CNST: variants seen among roughly 807,000 people sequenced by gnomAD.
CNST encodes the protein consortin, connexin sorting protein, also known as consortin.
CNST carries 39 observed loss-of-function variants against 72.4 expected under a neutral mutation model. That is an observed-to-expected ratio of 0.54 (90% CI 0.42 to 0.70). CNST has a LOEUF of 0.70. CNST is among the 30% of genes least tolerant of loss of function. The pLI is 0.00. For missense variants in CNST, 871 were observed against 868.5 expected, an observed-to-expected ratio of 1.00 and a Z score of -0.04; for synonymous variants, 332 against 320.1, an observed-to-expected ratio of 1.04 and a Z score of -0.40.
In CNST at chr1:246,621,632, C is replaced by G; in HGVS notation, c.583C>G (p.Gln195Glu). The G allele has an allele frequency of 6.2e-7, 1 of 1,612,034 alleles. No individual in the cohort carries two copies. The highest frequency in any genetic ancestry group is 8.5e-7 in the Non-Finnish European group (1 of 1,178,136). ...DSRALPLCLH[Q>E]IAESYFQEED... ...AAGAGCACTTCCCCTTTGCCTTCAT[C>G]AGGTACTCTGGTAAACCCTTCACTT... Residue 195 changes from glutamine (Q) to glutamate (E), a missense_variant and splice_region_variant, in exon 3 of 11, where the codon CAG (glutamine) becomes GAG (glutamate). Transcript: ENST00000366513.
chr1:246,639,516 G>A (rs1665539113), intron 6 of CNST, among the ~76,000 whole-genome samples: 1 of 151,944 alleles, frequency 6.6e-6, no homozygotes, highest in Non-Finnish European at 1.5e-5. Flanking sequence ...TGACTGAGGG[G>A]GTGCTTACTT....
chr1:246,652,113 C>T (rs376998265), intron 9 of CNST, among the ~76,000 whole-genome samples: 7 of 152,226 alleles, frequency 4.6e-5, no homozygotes, highest in East Asian at 3.9e-4. Context: ...AATACACTGA[C>T]GTGATGATTT....
In CNST at chr1:246,580,076, G is replaced by A. The variant is rs376915936; in HGVS notation, c.-51-11436G>A. Among the ~76,000 whole-genome samples the A allele has an allele frequency of 2.7e-4, 41 of 152,234 alleles. No homozygotes were observed. The East Asian group carries it at 4.8e-3, about 18-fold the overall frequency. On this transcript the variant is annotated intron_variant, in intron 1 of 10. Coordinates refer to ENST00000366513, the MANE Select transcript of CNST (RefSeq NM_152609.3). ...TCTAGTCTTAGTTCTTGTTTTGAAA[G>A]GGAACTTCTGGTACTTACGAATGAC...
In CNST at chr1:246,574,976, A is replaced by ATTTATTTATTTC. The variant is rs1425245870; in HGVS notation, c.-52+8324_-52+8325insCTTTATTTATTT. On this transcript the variant is annotated intron_variant, in intron 1 of 10. Transcript: ENST00000366513. ...TGAACAAATCTTCCTCAAGTATTTTATTTATTTATTTATTTATTTATTTAT... is the reference window on the plus strand; with the variant it reads ...TGAACAAATCTTCCTCAAGTATTTTATTTATTTATTTCTTTATTTATTTATTTATTTATTTAT... Among the ~76,000 whole-genome samples the ATTTATTTATTTC allele has an allele frequency of 1.3e-3, 175 of 135,054 alleles. 1 individual carries two copies. Among genetic ancestry groups the ATTTATTTATTTC allele is most frequent in the Middle Eastern group, 7.5e-3 (2 of 268 alleles). 88.6% of individuals were successfully genotyped at this position (135,054 alleles called of 152,430 possible).
chr1:246,578,081 C>G (rs1660543900), intron 1 of CNST, among the ~76,000 whole-genome samples: 1 of 151,906 alleles, frequency 6.6e-6, no homozygotes, highest in Admixed American at 6.6e-5. Flanking sequence ...TATTGTAGTT[C>G]AATTGAACAA....
intron 9 of CNST, among the ~76,000 whole-genome samples, chr1:246,658,941 G>A (rs532971234): frequency 2.8e-4 from 42 of 152,304 alleles, no homozygotes; most frequent in African/African-American, 8.4e-4. Context: ...CCTGCACCTT[G>A]GAGTCTGTTA....
chr1:246,611,689 C>T (rs1425754744), intron 2 of CNST, among the ~76,000 whole-genome samples: 4 of 152,270 alleles, frequency 2.6e-5, no homozygotes, highest in Non-Finnish European at 5.9e-5. Context: ...AAAACAGTTA[C>T]ACATAGAATT....
chr1:246,585,656 A>T lies in CNST; in HGVS notation c.-51-5856A>T, dbSNP rs1261235947. 9.3e-3 allele frequency among the ~76,000 whole-genome samples: 793 copies of T among 85,530 alleles called. 22 individuals carry two copies. Among genetic ancestry groups the T allele is most frequent in the African/African-American group, 0.046 (757 of 16,444 alleles). 56.1% of individuals were successfully genotyped at this position (85,530 alleles called of 152,430 possible). ...GACTCTGTCTCAAAAAAAAAAAAAAAAAAAAAATATACACACACACACACA... is the reference window on the plus strand; with the variant it reads ...GACTCTGTCTCAAAAAAAAAAAAAATAAAAAAATATACACACACACACACA... On this transcript the variant is annotated intron_variant, in intron 1 of 10. Coordinates refer to ENST00000366513, the MANE Select transcript of CNST (RefSeq NM_152609.3).
rs111818889 is a variant in CNST at position 246,652,940 on chromosome 1, C to G, written c.1836+4903C>G. Among the ~76,000 whole-genome samples, 377 of 150,312 alleles carry G rather than the reference C, an allele frequency of 2.5e-3. 3 individuals are homozygous for G. Among genetic ancestry groups the G allele is most frequent in the African/African-American group, 8.7e-3 (355 of 40,906 alleles). ...AATGGCGTGAACCTGGGAGGCGGAGCTTGCAGTGAGCCGAGATTGCACCAC... is the reference window on the plus strand; with the variant it reads ...AATGGCGTGAACCTGGGAGGCGGAGGTTGCAGTGAGCCGAGATTGCACCAC... On this transcript the variant is annotated intron_variant, in intron 9 of 10. Coordinates refer to ENST00000366513, the MANE Select transcript of CNST (RefSeq NM_152609.3).
chr1:246,623,978 G>A (rs7545403), intron 3 of CNST, among the ~76,000 whole-genome samples: 2,597 of 151,808 alleles, frequency 0.017, 81 homozygotes, highest in African/African-American at 0.06. Context: ...TGGGAGGATT[G>A]CATGAGCCCA....
intron 9 of CNST, among the ~76,000 whole-genome samples, chr1:246,656,573 C>T (rs1040259057): frequency 1.3e-5 from 2 of 152,080 alleles, no homozygotes; most frequent in Admixed American, 6.6e-5. Context: ...AGTTTTAAGG[C>T]TTTATTTTTT....
Position 246,620,789 on chromosome 1 carries a change from C to A in CNST, c.380-640C>A, listed in dbSNP as rs113501305. 9.2e-5 allele frequency among the ~76,000 whole-genome samples: 13 copies of A among 140,838 alleles called. No homozygotes were observed. In the East Asian group the frequency reaches 1.6e-3, roughly 17 times the overall value. The allele number at this position is 140,838 out of a possible 152,430, so 92.4% of individuals were successfully genotyped here. On this transcript the variant is annotated intron_variant, in intron 2 of 10. Transcript: ENST00000366513. ...ATGCATACACACGATGGGCTCTGGG[C>A]ACACTCTACAGGGAAGACGGCTTCA...
rs1572137861 is a variant in CNST, at chr1:246,591,449, A to G, written c.-51-63A>G. 1.9e-5 allele frequency: 22 copies of G among 1,158,072 alleles called. No homozygotes were observed. In the East Asian group the frequency reaches 5.0e-4, roughly 26 times the overall value. The allele number at this position is 1,158,072 out of a possible 1,614,324, so 71.7% of individuals were successfully genotyped here. Reference sequence around the variant, plus strand: ...ACAACCTAAGAGAAGGGGAAAATCAAAGATCACTGAGAATCTGCAAAGGTT... The same window carrying G: ...ACAACCTAAGAGAAGGGGAAAATCAGAGATCACTGAGAATCTGCAAAGGTT... On this transcript the variant is annotated intron_variant, in intron 1 of 10. Coordinates refer to ENST00000366513, the MANE Select transcript of CNST (RefSeq NM_152609.3).
At chr1:246,602,107 C>T (rs1050411153) in intron 2 of CNST, among the ~76,000 whole-genome samples, 66 of 152,200 alleles carry the variant, frequency 4.3e-4, no homozygotes, top group African/African-American at 1.5e-3. Flanking sequence ...CTCTTTCCAA[C>T]AGACTGCACC....
At chr1:246,616,764 A>G (rs1663728466) in intron 2 of CNST, among the ~76,000 whole-genome samples, 1 of 151,540 alleles carries the variant, frequency 6.6e-6, no homozygotes. Flanking sequence ...AATGTTGGCC[A>G]GGATGGTCTC....
At chr1:246,640,802 C>G (rs1218142193) in intron 6 of CNST, among the ~76,000 whole-genome samples, 1 of 151,934 alleles carries the variant, frequency 6.6e-6, no homozygotes, top group Non-Finnish European at 1.5e-5. Context: ...TTGGATAACT[C>G]CCCCCATATC....
chr1:246,663,682 G>A (rs571904704), intron 10 of CNST, among the ~76,000 whole-genome samples: 13 of 152,116 alleles, frequency 8.5e-5, no homozygotes, highest in African/African-American at 3.1e-4. Context: ...AGAGGTTGCA[G>A]TGAGCCAAGA....
At chr1:246,623,956 A>G (rs1300741147) in intron 3 of CNST, among the ~76,000 whole-genome samples, 1 of 150,392 alleles carries the variant, frequency 6.6e-6, no homozygotes, top group Non-Finnish European at 1.5e-5. Flanking sequence ...CCAGCTACTC[A>G]GGACGCTAAG....
chr1:246,613,267 A>G (rs1160278990), intron 2 of CNST, among the ~76,000 whole-genome samples: 1 of 152,186 alleles, frequency 6.6e-6, no homozygotes, highest in Non-Finnish European at 1.5e-5. Context: ...AGTGTGCTTA[A>G]AGCAATACAT....
Sources: gnomAD v4.1 joint callset for allele counts (sites outside exome capture counted in the v4.1 genomes callset) on GRCh38, gnomAD v4.1.1 for gene constraint, MANE v1.5 for transcripts, NCBI Gene and HGNC (gene_info 2026-07-23, HGNC 2026-07-21) for gene names.